Variants in MAGI1 observed in about 807,000 individuals in gnomAD.
The protein encoded by MAGI1 is membrane associated guanylate kinase, WW and PDZ domain containing 1.
In MAGI1, 58 loss-of-function variants were observed where a neutral mutation model predicts 139.9. That is an observed-to-expected ratio of 0.41 (90% CI 0.34 to 0.52). The LOEUF is 0.52. Among genes scored for constraint, MAGI1 ranks in the 20% least tolerant of loss-of-function variants. The pLI is 0.12. For missense variants in MAGI1, 1,874 were observed against 1,901.6 expected, an observed-to-expected ratio of 0.99 and a Z score of 0.27; for synonymous variants, 812 against 737.9, an observed-to-expected ratio of 1.10 and a Z score of -1.63.
At chr3:65,637,701 C>T (rs1372889761) in intron 1 of MAGI1, among the ~76,000 whole-genome samples, 1 of 152,184 alleles carries the variant, frequency 6.6e-6, no homozygotes, top group Non-Finnish European at 1.5e-5. Context: ...TACATTTCTT[C>T]TAGCACAGGG....
chr3:65,967,015 G>A (rs926608122), intron 1 of MAGI1, among the ~76,000 whole-genome samples: 2 of 152,082 alleles, frequency 1.3e-5, no homozygotes, highest in Admixed American at 1.3e-4. Context: ...CCATTATACA[G>A]ATGACAATAC....
intron 2 of MAGI1, among the ~76,000 whole-genome samples, chr3:65,499,432 G>A (rs1364719724): frequency 6.6e-6 from 1 of 152,136 alleles, no homozygotes; most frequent in Non-Finnish European, 1.5e-5. Context: ...GCCAGATCAC[G>A]AGGTCAGGAG....
At chr3:65,827,115 G>A (rs2042269522) in intron 1 of MAGI1, among the ~76,000 whole-genome samples, 4 of 152,136 alleles carry the variant, frequency 2.6e-5, no homozygotes. Flanking sequence ...GTAAGGATTT[G>A]CTTTATCCAG....
At position 65,492,580 on chromosome 3, in the gene MAGI1, G is replaced by C. The variant is rs113568044; in HGVS notation, c.550+932C>G. Reference sequence around the variant, plus strand: ...ATTAAGACATACTGTTAAACAAAAAGAGCAAGGTCCAAACAGCATGTACTA... The same window carrying C: ...ATTAAGACATACTGTTAAACAAAAACAGCAAGGTCCAAACAGCATGTACTA... On this transcript the variant is annotated intron_variant, in intron 3 of 22. Transcript: ENST00000402939. 1.1e-3 allele frequency among the ~76,000 whole-genome samples: 166 copies of C among 152,324 alleles called. 1 individual carries two copies. Among genetic ancestry groups the C allele is most frequent in the Non-Finnish European group, 1.8e-3 (123 of 68,032 alleles).
At chr3:65,902,434 G>A (rs999264407) in intron 1 of MAGI1, among the ~76,000 whole-genome samples, 3 of 152,178 alleles carry the variant, frequency 2.0e-5, no homozygotes, top group Non-Finnish European at 4.4e-5. Flanking sequence ...CCTAGACACG[G>A]ACTTGAGAAC....
At chr3:65,718,096 C>G (rs996304065) in intron 1 of MAGI1, among the ~76,000 whole-genome samples, 5 of 152,160 alleles carry the variant, frequency 3.3e-5, no homozygotes. Flanking sequence ...ATTGATTGGT[C>G]TGTGACTCTA....
chr3:66,038,183 C>G lies in MAGI1; in HGVS notation c.126G>C (p.Pro42=), dbSNP rs1345693964. 1 of 1,612,222 alleles carries G rather than the reference C, an allele frequency of 6.2e-7. No individual in the cohort carries two copies. ...CGACCGCCGCCACCGCTCCGACGTA[C>G]GGAAACTCCCCGTGCTCCGCGCCTC... ...VLGGAEHGEF[P]YVGAVAAVEA... is the part of the protein sequence containing the mutation. Residue 42 remains proline (P), a synonymous_variant, in exon 1 of 23, where the codon CCG becomes CCC. Coordinates refer to ENST00000402939, the MANE Select transcript of MAGI1 (RefSeq NM_001033057.2).
intron 1 of MAGI1, among the ~76,000 whole-genome samples, chr3:65,906,438 G>A (rs1447265111): frequency 6.6e-6 from 1 of 152,162 alleles, no homozygotes; most frequent in African/African-American, 2.4e-5. Context: ...AGATGCAATG[G>A]GTGGGCTTCT....
At chr3:65,945,652 C>A (rs1176235137) in intron 1 of MAGI1, among the ~76,000 whole-genome samples, 1 of 152,190 alleles carries the variant, frequency 6.6e-6, no homozygotes, top group African/African-American at 2.4e-5. Flanking sequence ...AAGGCAAATG[C>A]CAAGGTGTAA....
intron 1 of MAGI1, among the ~76,000 whole-genome samples, chr3:65,970,077 A>C (rs2064948779): frequency 1.3e-5 from 2 of 152,220 alleles, no homozygotes; most frequent in African/African-American, 4.8e-5. Context: ...AGGAGCAGAA[A>C]CAGAAGCAAC....
At chr3:65,677,897 CA>C (rs1412452253) in intron 1 of MAGI1, among the ~76,000 whole-genome samples, 3 of 152,172 alleles carry the variant, frequency 2.0e-5, no homozygotes, top group African/African-American at 7.2e-5. Flanking sequence ...TCACTGTTCA[CA>C]AAAGCAAAGA....
rs192112210 is a variant in MAGI1 at position 65,569,074 on chromosome 3, A to C, written c.430+52898T>G. On this transcript the variant is annotated intron_variant, in intron 2 of 22. Coordinates refer to ENST00000402939, the MANE Select transcript of MAGI1 (RefSeq NM_001033057.2). ...CCTATAGATAGATGAATAGATAAAC[A>C]AAATGTGGTACATACAATTCAGCCT... Among the ~76,000 whole-genome samples the C allele has an allele frequency of 1.1e-3, 170 of 152,352 alleles. 1 individual carries two copies. The highest frequency in any genetic ancestry group is 1.9e-3 in the Non-Finnish European group (132 of 68,030).
intron 1 of MAGI1, among the ~76,000 whole-genome samples, chr3:65,728,992 T>C (rs1321600849): frequency 1.3e-5 from 2 of 152,092 alleles, no homozygotes; most frequent in African/African-American, 4.8e-5. Context: ...CAGTAAAACC[T>C]GACTAATTTT....
chr3:65,868,774 T>C (rs145428922), intron 1 of MAGI1, among the ~76,000 whole-genome samples: 29 of 152,310 alleles, frequency 1.9e-4, no homozygotes, highest in African/African-American at 4.6e-4. Context: ...AATGAGTTCT[T>C]AAACAATTGT....
At chr3:65,490,861 A>AAAAAG (rs1553652878) in intron 3 of MAGI1, among the ~76,000 whole-genome samples, 8 of 149,836 alleles carry the variant, frequency 5.3e-5, no homozygotes, top group African/African-American at 1.5e-4. Flanking sequence ...AAAAAAAGAA[A>AAAAAG]AAAGAAAGAA....
At chr3:65,708,381 C>G (rs540449828) in intron 1 of MAGI1, among the ~76,000 whole-genome samples, 1 of 152,186 alleles carries the variant, frequency 6.6e-6, no homozygotes, top group South Asian at 2.1e-4. Context: ...GGAAGAGAGA[C>G]AGAACAGGCT....
chr3:65,999,642 G>A (rs2066635492), intron 1 of MAGI1, among the ~76,000 whole-genome samples: 1 of 151,984 alleles, frequency 6.6e-6, no homozygotes. Context: ...TCTACACATG[G>A]TATTAATGTT....
Position 65,841,975 on chromosome 3 carries a change from G to A in MAGI1, c.313+196021C>T, listed in dbSNP as rs942422723. Among the ~76,000 whole-genome samples, 3 of 152,178 alleles carry A rather than the reference G, an allele frequency of 2.0e-5. No individual in the cohort carries two copies. The East Asian group carries it at 5.8e-4, about 29-fold the overall frequency. ...TCTATTTTGGTACTATAGACAAGAA[G>A]GAACTCAATCTTACTAACAAAATAT... is the stretch of plus-strand genomic sequence containing the variant. On this transcript the variant is annotated intron_variant, in intron 1 of 22. Transcript: ENST00000402939.
At chr3:65,743,142 C>CA (rs139658422) in intron 1 of MAGI1, among the ~76,000 whole-genome samples, 1,814 of 152,304 alleles carry the variant, frequency 0.012, 45 homozygotes, top group African/African-American at 0.041. Flanking sequence ...ATCTCATTAT[C>CA]ACTCTTGAGA....
Sources: allele counts gnomAD v4.1 joint callset (sites outside exome capture counted in the v4.1 genomes callset), GRCh38; gene constraint gnomAD v4.1.1; transcripts MANE v1.5; gene names NCBI Gene and HGNC (gene_info 2026-07-23, HGNC 2026-07-21).